The following SORCS1 variants were observed in gnomAD, a reference collection of about 807,000 sequenced individuals.
SORCS1 encodes VPS10 domain-containing receptor SorCS1.
Under a neutral mutation model 146.1 loss-of-function variants are expected in SORCS1, and 60 were observed. The observed-to-expected ratio is 0.41, with a 90% CI of 0.33 to 0.51. The LOEUF is 0.51. Ranked by LOEUF, SORCS1 falls within the 20% of genes least tolerant of loss-of-function variation. The pLI, the probability that SORCS1 is intolerant of heterozygous loss-of-function variation, is 0.21. For missense variants in SORCS1, 1,352 were observed against 1,487.6 expected (o/e 0.91, Z 1.50); for synonymous variants, 637 against 584.0 (o/e 1.09, Z -1.31).
intron 1 of SORCS1, among the ~76,000 whole-genome samples, chr10:106,991,788 A>G (rs528210895): frequency 4.3e-4 from 65 of 152,352 alleles, no homozygotes; most frequent in African/African-American, 1.5e-3. Flanking sequence ...ACAAGGAAAG[A>G]GGAGAGACAA....
intron 1 of SORCS1, among the ~76,000 whole-genome samples, chr10:107,004,484 G>C (rs1957357720): frequency 6.6e-6 from 1 of 152,134 alleles, no homozygotes; most frequent in Non-Finnish European, 1.5e-5. Flanking sequence ...AGGTTGTGCA[G>C]GGGAACTCCC....
At chr10:106,594,759 A>T (rs1056454291) in intron 24 of SORCS1, among the ~76,000 whole-genome samples, 1 of 152,216 alleles carries the variant, frequency 6.6e-6, no homozygotes, top group African/African-American at 2.4e-5. Flanking sequence ...ATTTTGCATC[A>T]TGAAGGATAG....
chr10:106,815,580 T>C (rs1465496745), intron 3 of SORCS1, among the ~76,000 whole-genome samples: 2 of 152,186 alleles, frequency 1.3e-5, no homozygotes, highest in African/African-American at 4.8e-5. Flanking sequence ...GGTAAGAGAA[T>C]GCTGACTTGG....
chr10:107,148,996 C>T (rs1968553328), intron 1 of SORCS1, among the ~76,000 whole-genome samples: 1 of 152,186 alleles, frequency 6.6e-6, no homozygotes, highest in Non-Finnish European at 1.5e-5. Flanking sequence ...TCACAACACC[C>T]TAAAACCAGA....
chr10:106,652,432 G>A lies in SORCS1; in HGVS notation c.2425C>T (p.Leu809=). Residue 809 remains leucine (L), a synonymous_variant, in exon 18 of 26, where the codon CTG becomes TTG. Transcript: ENST00000263054. The part of the protein sequence containing the change: ...GLRIVTADGK[L]TAEQGHNVTL... ...ACGTTGTGTCCTTGTTCCGCTGTCA[G>A]CTTTCCATCAGCCGTGACTATCCGC... 6.2e-7 allele frequency: 1 copy of A among 1,614,102 alleles called. No homozygotes were observed. Among genetic ancestry groups the A allele is most frequent in the Non-Finnish European group, 8.5e-7 (1 of 1,179,978 alleles).
At chr10:106,662,917 T>C (rs1850844225) in intron 17 of SORCS1, among the ~76,000 whole-genome samples, 1 of 152,128 alleles carries the variant, frequency 6.6e-6, no homozygotes, top group African/African-American at 2.4e-5. Flanking sequence ...GAAGCCAGTG[T>C]TTTAACCCTT....
intron 1 of SORCS1, among the ~76,000 whole-genome samples, chr10:106,968,402 ATTCT>A (rs1044720543): frequency 2.5e-4 from 38 of 152,204 alleles, no homozygotes; most frequent in Admixed American, 1.1e-3. Flanking sequence ...AAATATTAAT[ATTCT>A]TTCTATGTGA....
intron 23 of SORCS1, among the ~76,000 whole-genome samples, chr10:106,598,081 A>T (rs549214550): frequency 3.3e-5 from 5 of 152,072 alleles, no homozygotes; most frequent in African/African-American, 1.2e-4. Context: ...CACGGGGCAA[A>T]TAACTTCATT....
chr10:106,596,364 T>C (rs1845904388), intron 24 of SORCS1, among the ~76,000 whole-genome samples: 2 of 152,190 alleles, frequency 1.3e-5, no homozygotes, highest in Admixed American at 1.3e-4. Context: ...TCTGCAAAAA[T>C]AAGTACTCAA....
intron 2 of SORCS1, among the ~76,000 whole-genome samples, chr10:106,847,854 T>C (rs1379829541): frequency 1.3e-5 from 2 of 148,722 alleles, no homozygotes; most frequent in Admixed American, 1.3e-4. Flanking sequence ...CCAGTAGTCA[T>C]TCAGGAGCAG....
chr10:107,023,425 A>T (rs2133883797), intron 1 of SORCS1, among the ~76,000 whole-genome samples: 1 of 152,346 alleles, frequency 6.6e-6, no homozygotes, highest in South Asian at 2.1e-4. Context: ...GCACTGCAGA[A>T]TTTTAGTCAA....
intron 1 of SORCS1, among the ~76,000 whole-genome samples, chr10:107,127,543 C>T (rs910120751): frequency 1.2e-4 from 18 of 152,130 alleles, no homozygotes; most frequent in Admixed American, 1.2e-3. Context: ...CTTAGGACAG[C>T]AGGGAAATGG....
intron 1 of SORCS1, among the ~76,000 whole-genome samples, chr10:106,995,957 G>A (rs573089544): frequency 5.9e-4 from 90 of 152,144 alleles, no homozygotes; most frequent in African/African-American, 1.8e-3. Flanking sequence ...GGCCAGGTGC[G>A]GTGGCTCACA....
At chr10:106,730,833 A>G (rs1025228125) in intron 5 of SORCS1, among the ~76,000 whole-genome samples, 1 of 152,228 alleles carries the variant, frequency 6.6e-6, no homozygotes, top group African/African-American at 2.4e-5. Flanking sequence ...GGATTTTTAT[A>G]CAATGAGATT....
At position 106,599,191 on chromosome 10, in the gene SORCS1, T is replaced by C. The variant is rs111572117; in HGVS notation, c.3166-1741A>G. On this transcript the variant is annotated intron_variant, in intron 23 of 25. Transcript: ENST00000263054. Reference sequence around the variant, plus strand: ...GACCAGCATGGCCAACATGGTGAAATCCCATCTCTACTAAAACTACAAAAA... The same window carrying C: ...GACCAGCATGGCCAACATGGTGAAACCCCATCTCTACTAAAACTACAAAAA... Among the ~76,000 whole-genome samples the C allele has an allele frequency of 2.8e-3, 432 of 151,696 alleles. 3 individuals are homozygous for C. The highest frequency in any genetic ancestry group is 9.8e-3 in the African/African-American group (405 of 41,332).
chr10:106,610,754 G>A (rs914908901), intron 22 of SORCS1, among the ~76,000 whole-genome samples: 15 of 152,192 alleles, frequency 9.9e-5, no homozygotes, highest in African/African-American at 3.6e-4. Flanking sequence ...TGCCCCATGA[G>A]CGGCTATCCC....
intron 1 of SORCS1, among the ~76,000 whole-genome samples, chr10:107,114,359 A>G (rs61867250): frequency 0.29 from 44,032 of 152,052 alleles, 8,228 homozygotes; most frequent in Middle Eastern, 0.43. Context: ...ATGAACAAAG[A>G]TAGATGCAAA....
intron 3 of SORCS1, among the ~76,000 whole-genome samples, chr10:106,791,444 T>C (rs1946316456): frequency 6.6e-6 from 1 of 152,168 alleles, no homozygotes; most frequent in Admixed American, 6.5e-5. Flanking sequence ...ACACCTGTCA[T>C]CCCACCACTT....
At position 106,625,200 on chromosome 10, in the gene SORCS1, CTGTGTGTGTGTG is replaced by C. The variant is rs3044907; in HGVS notation, c.2662+3990_2662+4001del. On this transcript the variant is annotated intron_variant, in intron 19 of 25. Coordinates refer to ENST00000263054, the MANE Select transcript of SORCS1 (RefSeq NM_052918.5). ...CCGTGAGGCTGCACATTGTGTGATT[CTGTGTGTGTGTG>C]TGTGTGTGTGTGTGTGTGTGTGTGT... Among the ~76,000 whole-genome samples, 334 of 140,138 alleles carry C rather than the reference CTGTGTGTGTGTG, an allele frequency of 2.4e-3. 1 individual carries two copies. The highest frequency in any genetic ancestry group is 6.1e-3 in the African/African-American group (233 of 37,938). 91.9% of individuals were successfully genotyped at this position (140,138 alleles called of 152,430 possible).
Sources: gnomAD v4.1 joint callset for allele counts (sites outside exome capture counted in the v4.1 genomes callset) on GRCh38, gnomAD v4.1.1 for gene constraint, MANE v1.5 for transcripts, NCBI Gene and HGNC (gene_info 2026-07-23, HGNC 2026-07-21) for gene names.